The following PHIP variants were observed in gnomAD, a reference collection of about 807,000 sequenced individuals.
PHIP encodes the protein PHIP subunit of CUL4-Ring ligase complex.
In PHIP, 54 loss-of-function variants were observed where a neutral mutation model predicts 236.8. That is an observed-to-expected ratio of 0.23 (90% CI 0.18 to 0.29). The LOEUF (loss-of-function observed/expected upper bound fraction) is 0.29. Ranked by LOEUF, PHIP falls within the 10% of genes least tolerant of loss-of-function variation. The probability of loss-of-function intolerance (pLI) is 1.00; values close to 1 mark genes in which losing one functional copy is unlikely to be tolerated. For synonymous variants in PHIP, 756 were observed against 718.9 expected, an observed-to-expected ratio of 1.05 and a Z score of -0.83; for missense variants, 1,370 against 2,190.8, an observed-to-expected ratio of 0.63 and a Z score of 7.48.
intron 7 of PHIP, among the ~76,000 whole-genome samples, chr6:79,041,922 A>G (rs1238082766): frequency 5.9e-5 from 9 of 152,050 alleles, no homozygotes; most frequent in Admixed American, 4.6e-4. Context: ...GTAGGTATAA[A>G]TAGGTCTCAG....
At chr6:79,060,845 G>A (rs748452376) in intron 4 of PHIP, 27 bp from the exon 5 acceptor site, 13 of 1,437,396 alleles carry the variant, frequency 9.0e-6, no homozygotes, top group Non-Finnish European at 1.1e-5. Context: ...AAATATAGTA[G>A]GTTTCAGTTT....
chr6:79,019,034 A>C, intron 10 of PHIP, 55 bp downstream of exon 10: 7 of 1,221,320 alleles, frequency 5.7e-6, no homozygotes, highest in Non-Finnish European at 8.5e-6. Flanking sequence ...ACACTCCACT[A>C]TAAGGCTTCT....
At chr6:79,065,451 G>A (rs1773576144) in intron 4 of PHIP, among the ~76,000 whole-genome samples, 1 of 151,940 alleles carries the variant, frequency 6.6e-6, no homozygotes, top group Non-Finnish European at 1.5e-5. Flanking sequence ...CCTTCTTTCA[G>A]GTTATTTACG....
chr6:78,989,087 A>C lies in PHIP; in HGVS notation c.2320-738T>G, dbSNP rs867177340. Among the ~76,000 whole-genome samples the C allele has an allele frequency of 9.4e-5, 11 of 117,332 alleles. No individual in the cohort carries two copies. The South Asian group carries it at 1.5e-3, about 16-fold the overall frequency. 77.0% of individuals were successfully genotyped at this position (117,332 alleles called of 152,430 possible). ...CAATAAACATTAAAATTTATACCTA[A>C]AAAACACAAAAAACTTAATAAAGCT... On this transcript the variant is annotated intron_variant, in intron 20 of 39. Coordinates refer to ENST00000275034, the MANE Select transcript of PHIP (RefSeq NM_017934.7).
At chr6:79,073,502 T>C (rs1773996102) in intron 4 of PHIP, among the ~76,000 whole-genome samples, 1 of 152,152 alleles carries the variant, frequency 6.6e-6, no homozygotes, top group South Asian at 2.1e-4. Flanking sequence ...AATAATCAAG[T>C]GTTGAAACTA....
rs573580265 is a variant in PHIP, at chr6:79,051,188, T to C, written c.440-8185A>G. On this transcript the variant is annotated intron_variant, in intron 6 of 39. Transcript: ENST00000275034. ...AATCTGGGAAATTATTCAACACAGG[T>C]TGGTTTACTCCTACAGTACCATCTG... Among the ~76,000 whole-genome samples the C allele has an allele frequency of 9.2e-5, 14 of 152,114 alleles. No individual in the cohort carries two copies. In the South Asian group the frequency reaches 2.7e-3, roughly 29 times the overall value.
At position 78,982,892 on chromosome 6, in the gene PHIP, T is replaced by C. The variant is rs1768631996; in HGVS notation, c.2763A>G (p.Lys921=). Residue 921 remains lysine, a synonymous_variant, in exon 23 of 40, where the codon AAA becomes AAG. Transcript: ENST00000275034. ...SPKKKKPKER[K]QKRLAVGELT... is the part of the protein sequence containing the mutation. ...GTAATGTTAAAAACCAAACCTTTTG[T>C]TTTCTTTCTTTGGGCTTCTTTTTCT... The C allele has an allele frequency of 6.4e-7, 1 of 1,553,228 alleles. No homozygotes were observed. Among genetic ancestry groups the C allele is most frequent in the African/African-American group, 1.4e-5 (1 of 71,858 alleles).
chr6:79,027,246 T>A (rs1427586597), intron 7 of PHIP, among the ~76,000 whole-genome samples: 1 of 152,164 alleles, frequency 6.6e-6, no homozygotes, highest in Non-Finnish European at 1.5e-5. Flanking sequence ...ATGCTGTATC[T>A]TAAATCAGAC....
rs555644987 is a variant in PHIP at position 78,950,688 on chromosome 6, ATGC to A, written c.4054-2916_4054-2914del. ...TGGTATTTGCAGGGTCTACAGTGATATGCTCTATATCATCTCTGATATTAACAA... is the reference window on the plus strand; with the variant it reads ...TGGTATTTGCAGGGTCTACAGTGATATCTATATCATCTCTGATATTAACAA... On this transcript the variant is annotated intron_variant, in intron 35 of 39. Transcript: ENST00000275034. 6.4e-4 allele frequency among the ~76,000 whole-genome samples: 97 copies of A among 152,224 alleles called. 1 individual carries two copies. In the South Asian group the frequency reaches 8.1e-3, roughly 13 times the overall value.
In PHIP at chr6:78,978,616, T is replaced by G. The variant is rs144897357; in HGVS notation, c.2865A>C (p.Pro955=). The change falls in exon 24 of 40, where the codon CCA becomes CCC. Residue 955 remains proline, a synonymous_variant. Transcript: ENST00000275034. ...CCTCATCACCCATCTGTGGCACAAA[T>G]GGACATCTTCGGGGAATGGTATCTG... ...WITDTIPRRC[P]FVPQMGDEVY... is the part of the protein sequence containing the mutation. 6.3e-7 allele frequency: 1 copy of G among 1,592,736 alleles called. No homozygotes were observed. The highest frequency in any genetic ancestry group is 8.6e-7 in the Non-Finnish European group (1 of 1,165,358).
At chr6:78,978,506 A>G (rs746397112) in intron 24 of PHIP, 86 bp downstream of exon 24, 15 of 1,091,696 alleles carry the variant, frequency 1.4e-5, no homozygotes, top group East Asian at 2.5e-5. Flanking sequence ...AACTGCTTCT[A>G]TTTTCCAGAA....
intron 15 of PHIP, among the ~76,000 whole-genome samples, 153 bp downstream of exon 15, chr6:79,014,929 A>G (rs1227129156): frequency 6.6e-6 from 1 of 151,876 alleles, no homozygotes; most frequent in African/African-American, 2.4e-5. Flanking sequence ...CATGTCAATA[A>G]AAGTGTGGAA....
chr6:78,980,767 T>C (rs1768471803), intron 23 of PHIP, among the ~76,000 whole-genome samples: 2 of 152,022 alleles, frequency 1.3e-5, no homozygotes, highest in Admixed American at 6.6e-5. Context: ...TTTTGTATAC[T>C]GAGGAGCTAA....
chr6:78,946,707 A>C lies in PHIP; in HGVS notation c.4370+4T>G. The C allele has an allele frequency of 6.5e-7, 1 of 1,542,226 alleles. No individual in the cohort carries two copies. Among genetic ancestry groups the C allele is most frequent in the Non-Finnish European group, 8.7e-7 (1 of 1,155,166 alleles). On this transcript the variant is annotated splice_donor_region_variant and intron_variant, in intron 37 of 39. Transcript: ENST00000275034. ...GCTAGTGGTATTTAAAAGAAATTAA[A>C]TACCTTGATGCAGCACTACTGGAAA... is the stretch of plus-strand genomic sequence containing the variant.
intron 20 of PHIP, among the ~76,000 whole-genome samples, chr6:78,988,700 T>C (rs1769022018): frequency 6.6e-6 from 1 of 152,190 alleles, no homozygotes; most frequent in Non-Finnish European, 1.5e-5. Context: ...GTTATGCTGA[T>C]ATTTACTTGC....
intron 9 of PHIP, among the ~76,000 whole-genome samples, chr6:79,022,345 A>T (rs1382759698): frequency 6.6e-6 from 1 of 152,204 alleles, no homozygotes; most frequent in African/African-American, 2.4e-5. Context: ...TAGGTTCAAC[A>T]AGTTCTAGCC....
chr6:78,943,737 A>G (rs934937827), intron 39 of PHIP, among the ~76,000 whole-genome samples: 4 of 152,098 alleles, frequency 2.6e-5, no homozygotes, highest in African/African-American at 9.7e-5. Flanking sequence ...CTGAAATCAC[A>G]ATACTTTGGG....
At chr6:78,976,768 T>A (rs961383391) in intron 24 of PHIP, among the ~76,000 whole-genome samples, 1 of 145,050 alleles carries the variant, frequency 6.9e-6, no homozygotes, top group Non-Finnish European at 1.5e-5. Context: ...AAAAAACACA[T>A]GAAAAAATGC....
rs1357696101 is a variant in PHIP at position 78,966,076 on chromosome 6, A to T, written c.3206-20T>A. 2.1e-6 allele frequency: 3 copies of T among 1,442,962 alleles called. No individual in the cohort carries two copies. Among genetic ancestry groups the T allele is most frequent in the Non-Finnish European group, 2.9e-6 (3 of 1,024,224 alleles). 89.4% of individuals were successfully genotyped at this position (1,442,962 alleles called of 1,614,324 possible). ...GGTCACCTGGCCAAGAACAAAAACTAACTCATCATTCTGAAATGCATGGCT... is the reference window on the plus strand; with the variant it reads ...GGTCACCTGGCCAAGAACAAAAACTTACTCATCATTCTGAAATGCATGGCT... On this transcript the variant is annotated intron_variant, in intron 27 of 39. Transcript: ENST00000275034.
Sources: gnomAD v4.1 joint callset for allele counts (sites outside exome capture counted in the v4.1 genomes callset) on GRCh38, gnomAD v4.1.1 for gene constraint, MANE v1.5 for transcripts, NCBI Gene and HGNC (gene_info 2026-07-23, HGNC 2026-07-21) for gene names.